The following SNX29 variants were observed in gnomAD, a reference collection of about 807,000 sequenced individuals.
The protein encoded by SNX29 is sorting nexin-29.
SNX29 carries 78 observed loss-of-function variants against 102.1 expected under a neutral mutation model. That is an observed-to-expected ratio of 0.76 (90% CI 0.64 to 0.92). SNX29 has a LOEUF of 0.92. SNX29 is among the 40% of genes least tolerant of loss of function. The pLI is 0.00. For missense variants in SNX29, 1,280 were observed against 1,061.7 expected, an observed-to-expected ratio of 1.21 and a Z score of -2.86; for synonymous variants, 580 against 414.5, an observed-to-expected ratio of 1.40 and a Z score of -4.85.
chr16:12,308,415 C>T (rs928945484), intron 15 of SNX29, among the ~76,000 whole-genome samples: 2 of 152,174 alleles, frequency 1.3e-5, no homozygotes, highest in South Asian at 2.1e-4. Flanking sequence ...CAGGGATCAA[C>T]CTCTTAGTAG....
chr16:12,321,663 A>C (rs1471906634), intron 15 of SNX29, among the ~76,000 whole-genome samples: 1 of 152,110 alleles, frequency 6.6e-6, no homozygotes, highest in Non-Finnish European at 1.5e-5. Context: ...CGCACGCTGG[A>C]GTGAGTGTGT....
chr16:12,384,001 C>G (rs1263289328), intron 16 of SNX29, among the ~76,000 whole-genome samples: 2 of 152,148 alleles, frequency 1.3e-5, no homozygotes, highest in African/African-American at 4.8e-5. Flanking sequence ...TTGTATTTCA[C>G]TTAACATAGT....
chr16:12,539,882 G>C (rs912091672), intron 20 of SNX29, among the ~76,000 whole-genome samples: 4 of 152,178 alleles, frequency 2.6e-5, no homozygotes, highest in African/African-American at 4.8e-5. Context: ...TTAGAAACTA[G>C]GCTGTTTGTG....
chr16:12,559,945 C>G (rs1395594094), intron 20 of SNX29, among the ~76,000 whole-genome samples: 2 of 152,140 alleles, frequency 1.3e-5, no homozygotes, highest in Non-Finnish European at 2.9e-5. Flanking sequence ...CATCACTGCA[C>G]TCCAGCCTGG....
At chr16:12,127,109 A>G (rs1349510086) in intron 12 of SNX29, among the ~76,000 whole-genome samples, 1 of 151,944 alleles carries the variant, frequency 6.6e-6, no homozygotes, top group African/African-American at 2.4e-5. Context: ...AAATACAAAA[A>G]TTAGCTGGGC....
At chr16:12,503,630 C>T (rs531590888) in intron 19 of SNX29, among the ~76,000 whole-genome samples, 4 of 152,178 alleles carry the variant, frequency 2.6e-5, no homozygotes, top group African/African-American at 9.7e-5. Context: ...AAAGCTGGCT[C>T]CAGGGCTGGA....
intron 15 of SNX29, among the ~76,000 whole-genome samples, chr16:12,289,339 T>C (rs1054362845): frequency 1.3e-5 from 2 of 152,224 alleles, no homozygotes; most frequent in African/African-American, 2.4e-5. Context: ...TCTCAGTTAC[T>C]GTTTGCATTT....
chr16:12,165,752 C>T (rs572503405), intron 13 of SNX29, among the ~76,000 whole-genome samples: 21 of 152,308 alleles, frequency 1.4e-4, no homozygotes, highest in Admixed American at 9.8e-4. Flanking sequence ...TCAGTGGAGA[C>T]GGTGTTTTGC....
At chr16:12,182,953 AAAAAG>A (rs1323408732) in intron 13 of SNX29, among the ~76,000 whole-genome samples, 5 of 151,582 alleles carry the variant, frequency 3.3e-5, no homozygotes, top group Non-Finnish European at 5.9e-5. Flanking sequence ...AAAAAAAAAA[AAAAAG>A]GACATCATGA....
At chr16:12,468,299 C>T (rs570895479) in intron 18 of SNX29, among the ~76,000 whole-genome samples, 3 of 151,158 alleles carry the variant, frequency 2.0e-5, no homozygotes, top group Admixed American at 6.6e-5. Flanking sequence ...CTCAGCCTCC[C>T]GAGTACCTGG....
chr16:12,093,364 C>A (rs1197548231), intron 11 of SNX29, among the ~76,000 whole-genome samples: 1 of 152,158 alleles, frequency 6.6e-6, no homozygotes, highest in African/African-American at 2.4e-5. Context: ...AATCCCAACA[C>A]TTTGGGAGGA....
intron 19 of SNX29, among the ~76,000 whole-genome samples, chr16:12,500,231 C>G (rs1460423268): frequency 6.6e-6 from 1 of 152,176 alleles, no homozygotes; most frequent in Non-Finnish European, 1.5e-5. Flanking sequence ...CTTCTGGACT[C>G]AAGCAAACCT....
At chr16:11,984,383 A>AAG in intron 1 of SNX29, among the ~76,000 whole-genome samples, 1 of 145,146 alleles carries the variant, frequency 6.9e-6, no homozygotes, top group Admixed American at 7.0e-5. Flanking sequence ...TCAAAAAAAA[A>AAG]AAAAGAAAAG....
chr16:12,237,772 G>A (rs1011241479), intron 14 of SNX29, among the ~76,000 whole-genome samples: 2 of 152,346 alleles, frequency 1.3e-5, no homozygotes, highest in Non-Finnish European at 2.9e-5. Flanking sequence ...GTGGGAAGTG[G>A]TGGCAGGTGC....
chr16:12,017,338 C>G (rs145855823), intron 3 of SNX29, among the ~76,000 whole-genome samples: 2 of 152,270 alleles, frequency 1.3e-5, no homozygotes, highest in East Asian at 3.9e-4. Flanking sequence ...TATTTATTGG[C>G]CAACTGTATT....
intron 17 of SNX29, among the ~76,000 whole-genome samples, chr16:12,401,759 C>A (rs1442711761): frequency 6.6e-6 from 1 of 152,196 alleles, no homozygotes; most frequent in African/African-American, 2.4e-5. Flanking sequence ...ATTGCTCTAT[C>A]TCCAGTACCC....
At chr16:12,259,992 G>A (rs1344190142) in intron 14 of SNX29, among the ~76,000 whole-genome samples, 14 of 152,222 alleles carry the variant, frequency 9.2e-5, no homozygotes, top group South Asian at 2.1e-4. Flanking sequence ...GCTGATGCGC[G>A]GCCACGTTCC....
At chr16:12,244,926 G>T (rs1038032086) in intron 14 of SNX29, among the ~76,000 whole-genome samples, 38 of 152,170 alleles carry the variant, frequency 2.5e-4, no homozygotes, top group Non-Finnish European at 5.6e-4. Flanking sequence ...TCTCCTTTCA[G>T]ATTTGTTTTG....
intron 13 of SNX29, among the ~76,000 whole-genome samples, chr16:12,192,316 T>C (rs904312858): frequency 1.3e-5 from 2 of 152,174 alleles, no homozygotes; most frequent in South Asian, 2.1e-4. Context: ...CTTTCTAGAA[T>C]TGGACAGGCG....
Sources: allele counts gnomAD v4.1 joint callset (sites outside exome capture counted in the v4.1 genomes callset), GRCh38; gene constraint gnomAD v4.1.1; transcripts MANE v1.5; gene names NCBI Gene and HGNC (gene_info 2026-07-23, HGNC 2026-07-21).